THRB: variants seen among roughly 807,000 people sequenced by gnomAD.
THRB encodes the protein nuclear receptor subfamily 1 group A member 2.
In THRB, 12 loss-of-function variants were observed where a neutral mutation model predicts 47.8. That is an observed-to-expected ratio of 0.25 (90% CI 0.16 to 0.41). The LOEUF is 0.41. Among genes scored for constraint, THRB ranks in the 10% least tolerant of loss-of-function variants. The probability of loss-of-function intolerance (pLI) is 1.00; values close to 1 mark genes in which losing one functional copy is unlikely to be tolerated. For missense variants in THRB, 348 were observed against 589.2 expected, an observed-to-expected ratio of 0.59 and a Z score of 4.24; for synonymous variants, 218 against 212.2, an observed-to-expected ratio of 1.03 and a Z score of -0.24.
At chr3:24,285,432 TGGGGTGG>T (rs1289180377) in intron 3 of THRB, among the ~76,000 whole-genome samples, 1 of 86,948 alleles carries the variant, frequency 1.2e-5, no homozygotes, top group African/African-American at 4.7e-5. Context: ...GGGACTGTTG[TGGGGTGG>T]GGGGAGGGGG....
At chr3:24,312,817 C>A (rs1216653301) in intron 2 of THRB, among the ~76,000 whole-genome samples, 1 of 152,164 alleles carries the variant, frequency 6.6e-6, no homozygotes, top group Non-Finnish European at 1.5e-5. Flanking sequence ...AATGGAAAAC[C>A]TTTAAAGAGT....
intron 1 of THRB, among the ~76,000 whole-genome samples, chr3:24,443,965 T>C (rs1186046007): frequency 1.3e-5 from 2 of 152,184 alleles, no homozygotes; most frequent in Non-Finnish European, 2.9e-5. Context: ...TATATTCTCC[T>C]CATGGATGAT....
chr3:24,433,505 G>C (rs2070652189), intron 1 of THRB, among the ~76,000 whole-genome samples: 1 of 152,106 alleles, frequency 6.6e-6, no homozygotes, highest in African/African-American at 2.4e-5. Context: ...TTCTCTCAGA[G>C]CCTCCATGAG....
intron 1 of THRB, among the ~76,000 whole-genome samples, chr3:24,399,037 T>C (rs185093621): frequency 1.6e-4 from 24 of 151,650 alleles, no homozygotes; most frequent in Admixed American, 5.9e-4. Context: ...ATGAGAACAC[T>C]TGGACACAGG....
intron 10 of THRB, among the ~76,000 whole-genome samples, chr3:24,125,061 C>T (rs1575245571): frequency 6.6e-6 from 1 of 152,216 alleles, no homozygotes; most frequent in Non-Finnish European, 1.5e-5. Context: ...TTTTTGTCAT[C>T]TCCACCTACT....
intron 3 of THRB, among the ~76,000 whole-genome samples, chr3:24,292,685 T>A (rs901107274): frequency 6.6e-6 from 1 of 152,198 alleles, no homozygotes; most frequent in Non-Finnish European, 1.5e-5. Flanking sequence ...TCTTGTCGAG[T>A]AAAGAAGTCA....
intron 1 of THRB, among the ~76,000 whole-genome samples, chr3:24,423,847 C>T (rs1240382116): frequency 2.0e-5 from 3 of 151,754 alleles, no homozygotes; most frequent in African/African-American, 7.3e-5. Flanking sequence ...ACTTATTTCA[C>T]CACAAAAGGT....
intron 1 of THRB, among the ~76,000 whole-genome samples, chr3:24,464,255 GA>G (rs557030205): frequency 0.062 from 8,111 of 130,276 alleles, 281 homozygotes; most frequent in African/African-American, 0.11. Flanking sequence ...AAAAAAAAAA[GA>G]AAAAAAAAAA....
intron 2 of THRB, among the ~76,000 whole-genome samples, chr3:24,331,856 C>T (rs1028530222): frequency 6.6e-6 from 1 of 152,162 alleles, no homozygotes; most frequent in African/African-American, 2.4e-5. Context: ...AACTACAGTA[C>T]TCAAAACCCC....
intron 2 of THRB, among the ~76,000 whole-genome samples, chr3:24,312,438 T>C (rs576741365): frequency 1.3e-5 from 2 of 152,334 alleles, no homozygotes; most frequent in Non-Finnish European, 2.9e-5. Flanking sequence ...TATATTGTCC[T>C]GGAAAATAAT....
chr3:24,447,391 A>G (rs1048110274), intron 1 of THRB, among the ~76,000 whole-genome samples: 2 of 152,200 alleles, frequency 1.3e-5, no homozygotes, highest in African/African-American at 4.8e-5. Context: ...AACAGGTCTA[A>G]GTGAACCTGC....
chr3:24,167,367 G>A (rs773742029), intron 5 of THRB, among the ~76,000 whole-genome samples: 6 of 152,034 alleles, frequency 3.9e-5, no homozygotes, highest in Non-Finnish European at 5.9e-5. Flanking sequence ...CATTTTAATC[G>A]TGTTTTTACT....
chr3:24,217,707 G>A (rs2046719460), intron 4 of THRB, among the ~76,000 whole-genome samples: 1 of 152,168 alleles, frequency 6.6e-6, no homozygotes, highest in Non-Finnish European at 1.5e-5. Context: ...CCTACATGAT[G>A]TGATTGTATC....
chr3:24,328,552 A>G (rs1395770733), intron 2 of THRB, among the ~76,000 whole-genome samples: 2 of 152,190 alleles, frequency 1.3e-5, no homozygotes, highest in Non-Finnish European at 2.9e-5. Flanking sequence ...TGCTTAAGAC[A>G]CAAACCCAGG....
At chr3:24,233,635 T>C (rs2048560731) in intron 3 of THRB, among the ~76,000 whole-genome samples, 1 of 103,002 alleles carries the variant, frequency 9.7e-6, no homozygotes, top group Admixed American at 9.5e-5. Flanking sequence ...CTGTAGGACA[T>C]TGGTCAGACC....
At chr3:24,162,912 G>T (rs1327564594) in intron 5 of THRB, among the ~76,000 whole-genome samples, 3 of 151,752 alleles carry the variant, frequency 2.0e-5, no homozygotes, top group Non-Finnish European at 4.4e-5. Flanking sequence ...AAAAAATAAA[G>T]AAAAAGTTAA....
At chr3:24,137,743 G>T (rs1424653729) in intron 8 of THRB, among the ~76,000 whole-genome samples, 2 of 152,160 alleles carry the variant, frequency 1.3e-5, no homozygotes, top group South Asian at 4.1e-4. Context: ...CTACTGAAGG[G>T]CTGTAAACAG....
At chr3:24,269,385 ACACGCG>A (rs1366598448) in intron 3 of THRB, among the ~76,000 whole-genome samples, 3 of 52,414 alleles carry the variant, frequency 5.7e-5, no homozygotes, top group African/African-American at 1.6e-4. Flanking sequence ...ATCATAGCTC[ACACGCG>A]CGCGCGCGCG....
intron 3 of THRB, among the ~76,000 whole-genome samples, chr3:24,274,698 G>A (rs1275278207): frequency 6.6e-6 from 1 of 152,050 alleles, no homozygotes; most frequent in African/African-American, 2.4e-5. Flanking sequence ...AAAAAGTGAA[G>A]GGAAGATTCA....
Sources: gnomAD v4.1 joint callset for allele counts (sites outside exome capture counted in the v4.1 genomes callset) on GRCh38, gnomAD v4.1.1 for gene constraint, MANE v1.5 for transcripts, NCBI Gene and HGNC (gene_info 2026-07-23, HGNC 2026-07-21) for gene names.